PCDH9: variants seen among roughly 807,000 people sequenced by gnomAD.
PCDH9 encodes the protein protocadherin-9.
In PCDH9, 24 loss-of-function variants were observed where a neutral mutation model predicts 70.6. The observed-to-expected ratio is 0.34, with a 90% CI of 0.25 to 0.48. PCDH9 has a LOEUF of 0.48. Among genes scored for constraint, PCDH9 ranks in the 20% least tolerant of loss-of-function variants. The pLI is 0.99. For synonymous variants in PCDH9, 562 were observed against 558.5 expected (o/e 1.01, Z -0.09); for missense variants, 1,281 against 1,503.6 (o/e 0.85, Z 2.45).
At chr13:66,916,623 T>C (rs2082561968) in intron 2 of PCDH9, among the ~76,000 whole-genome samples, 1 of 151,576 alleles carries the variant, frequency 6.6e-6, no homozygotes. Flanking sequence ...CTAAGAGCTG[T>C]ATATGTAATT....
chr13:67,151,916 G>A (rs1393013706), intron 2 of PCDH9, among the ~76,000 whole-genome samples: 1 of 151,842 alleles, frequency 6.6e-6, no homozygotes, highest in African/African-American at 2.4e-5. Context: ...TCATCATTTT[G>A]CCTAAAGAGA....
intron 4 of PCDH9, among the ~76,000 whole-genome samples, chr13:66,618,446 A>G (rs1455285652): frequency 2.0e-5 from 3 of 152,208 alleles, no homozygotes; most frequent in Non-Finnish European, 2.9e-5. Flanking sequence ...ATGGTTTCTT[A>G]AAAAATTTCA....
chr13:66,882,252 T>A (rs1333377423), intron 3 of PCDH9, among the ~76,000 whole-genome samples: 1 of 152,196 alleles, frequency 6.6e-6, no homozygotes, highest in Non-Finnish European at 1.5e-5. Flanking sequence ...ATTGAAATGC[T>A]TGATTGTCAT....
chr13:66,906,075 A>T (rs1334564371), intron 2 of PCDH9, among the ~76,000 whole-genome samples: 1 of 152,084 alleles, frequency 6.6e-6, no homozygotes, highest in Non-Finnish European at 1.5e-5. Context: ...TAATACTCTC[A>T]CTCTAGCCCT....
intron 2 of PCDH9, chr13:67,206,767 GGAATAAA>G (rs2089358755): frequency 6.6e-6 from 1 of 152,010 alleles, no homozygotes; most frequent in African/African-American, 2.4e-5. Context: ...CACAGGGGCT[GGAATAAA>G]GATTTAAAAA....
chr13:67,218,497 T>C (rs2089656374), intron 2 of PCDH9: 1 of 152,094 alleles, frequency 6.6e-6, no homozygotes, highest in Admixed American at 6.6e-5. Context: ...GATTAGAGTG[T>C]TTCTTAATCA....
At chr13:67,042,150 T>C (rs1172965) in intron 2 of PCDH9, among the ~76,000 whole-genome samples, 151,073 of 152,228 alleles carry the variant, frequency 0.99, 74,975 homozygotes, top group East Asian at 1. Flanking sequence ...GCTTGTAGCG[T>C]GAAAGAGAAG....
At position 67,111,881 on chromosome 13, in the gene PCDH9, A is replaced by G. The variant is rs540817651; in HGVS notation, c.3036+113524T>C. On this transcript the variant is annotated intron_variant, in intron 2 of 4. Coordinates refer to ENST00000377865, the MANE Select transcript of PCDH9 (RefSeq NM_203487.3). ...TTTTTAATAAAGTTATTAATTTCAT[A>G]TAATTAATAGTGTTATTACCCTGGC... Among the ~76,000 whole-genome samples, 8 of 152,356 alleles carry G rather than the reference A, an allele frequency of 5.3e-5. No individual in the cohort carries two copies. The East Asian group carries it at 1.5e-3, about 29-fold the overall frequency.
At chr13:66,466,861 T>C (rs920115031) in intron 4 of PCDH9, among the ~76,000 whole-genome samples, 5 of 152,078 alleles carry the variant, frequency 3.3e-5, no homozygotes, top group Non-Finnish European at 7.4e-5. Context: ...AAAAATGTTA[T>C]GAACTAAGAA....
intron 2 of PCDH9, among the ~76,000 whole-genome samples, chr13:67,099,767 C>A (rs552720780): frequency 6.6e-6 from 1 of 152,110 alleles, no homozygotes; most frequent in Non-Finnish European, 1.5e-5. Context: ...AAAGAAACAG[C>A]GAGTGAGGAG....
intron 4 of PCDH9, among the ~76,000 whole-genome samples, chr13:66,575,441 C>A (rs981603864): frequency 1.3e-5 from 2 of 152,134 alleles, no homozygotes; most frequent in East Asian, 1.9e-4. Flanking sequence ...AGGATCTACT[C>A]AAAAATCTGG....
chr13:67,043,592 T>C (rs1021375030), intron 2 of PCDH9, among the ~76,000 whole-genome samples: 1 of 152,092 alleles, frequency 6.6e-6, no homozygotes, highest in Non-Finnish European at 1.5e-5. Flanking sequence ...ATAGCTGAAA[T>C]TATAGATTAA....
At chr13:66,663,273 A>G (rs2078043506) in intron 3 of PCDH9, among the ~76,000 whole-genome samples, 1 of 152,202 alleles carries the variant, frequency 6.6e-6, no homozygotes, top group African/African-American at 2.4e-5. Context: ...TCCAAAGTAA[A>G]ACAAAATAAG....
chr13:66,464,191 C>T (rs1022946487), intron 4 of PCDH9, among the ~76,000 whole-genome samples: 3 of 151,140 alleles, frequency 2.0e-5, no homozygotes, highest in Non-Finnish European at 4.4e-5. Context: ...TTAAGATAAA[C>T]GCAGTCACTG....
At chr13:67,019,156 G>A (rs2084623024) in intron 2 of PCDH9, among the ~76,000 whole-genome samples, 1 of 150,166 alleles carries the variant, frequency 6.7e-6, no homozygotes, top group Admixed American at 6.6e-5. Context: ...AGTTGCCCAG[G>A]AGACCCTCCT....
chr13:66,536,405 A>C (rs1432675432), intron 4 of PCDH9, among the ~76,000 whole-genome samples: 1 of 152,126 alleles, frequency 6.6e-6, no homozygotes, highest in Non-Finnish European at 1.5e-5. Flanking sequence ...TAAACATTAA[A>C]AGTAAACTTA....
At chr13:66,452,632 T>A (rs1280371108) in intron 4 of PCDH9, among the ~76,000 whole-genome samples, 1 of 152,104 alleles carries the variant, frequency 6.6e-6, no homozygotes, top group African/African-American at 2.4e-5. Flanking sequence ...CTGCTCAGAT[T>A]ACCAGTTCTA....
At chr13:66,688,101 A>G (rs1010230513) in intron 3 of PCDH9, among the ~76,000 whole-genome samples, 3 of 151,942 alleles carry the variant, frequency 2.0e-5, no homozygotes, top group Non-Finnish European at 2.9e-5. Flanking sequence ...TTCCTCTTCT[A>G]TACACTATTT....
chr13:66,766,190 G>T, intron 3 of PCDH9, among the ~76,000 whole-genome samples: 1 of 151,940 alleles, frequency 6.6e-6, no homozygotes, highest in East Asian at 1.9e-4. Context: ...CCAGATACAA[G>T]TAGCTGCAGC....
Sources: gnomAD v4.1 joint callset for allele counts (sites outside exome capture counted in the v4.1 genomes callset) on GRCh38, gnomAD v4.1.1 for gene constraint, MANE v1.5 for transcripts, NCBI Gene and HGNC (gene_info 2026-07-23, HGNC 2026-07-21) for gene names.